Variants in PRKCH observed in about 807,000 individuals in gnomAD.
The protein encoded by PRKCH is protein kinase C eta type.
PRKCH carries 28 observed loss-of-function variants against 82.5 expected under a neutral mutation model. The ratio of observed to expected loss-of-function variants is 0.34; its 90% CI spans 0.25 to 0.47. The LOEUF is 0.47. Among genes scored for constraint, PRKCH ranks in the 20% least tolerant of loss-of-function variants. The probability of loss-of-function intolerance (pLI) is 1.00; values close to 1 mark genes in which losing one functional copy is unlikely to be tolerated. For missense variants in PRKCH, 705 were observed against 881.8 expected, an observed-to-expected ratio of 0.80 and a Z score of 2.54; for synonymous variants, 322 against 327.4, an observed-to-expected ratio of 0.98 and a Z score of 0.18.
intron 10 of PRKCH, among the ~76,000 whole-genome samples, chr14:61,514,522 C>T (rs2042793911): frequency 6.6e-6 from 1 of 152,032 alleles, no homozygotes; most frequent in Admixed American, 6.5e-5. Context: ...CAGGGGACCT[C>T]TGCAGGCAAT....
intron 1 of PRKCH, among the ~76,000 whole-genome samples, chr14:61,232,832 C>A (rs552389282): frequency 6.6e-6 from 1 of 152,280 alleles, no homozygotes; most frequent in East Asian, 1.9e-4. Flanking sequence ...TCTAATCAGG[C>A]CTTGGTGTTC....
intron 1 of PRKCH, among the ~76,000 whole-genome samples, chr14:61,381,291 G>A (rs753614724): frequency 1.3e-5 from 2 of 152,168 alleles, no homozygotes; most frequent in Non-Finnish European, 2.9e-5. Context: ...GGGTGGACCA[G>A]TAAAGGCTTT....
Position 61,529,056 on chromosome 14 carries a change from T to C in PRKCH, c.1434-19T>C, listed in dbSNP as rs774181354. The C allele has an allele frequency of 1.9e-6, 3 of 1,604,620 alleles. No homozygotes were observed. In the Admixed American group the frequency reaches 5.0e-5, roughly 27 times the overall value. On this transcript the variant is annotated intron_variant, in intron 10 of 13. Coordinates refer to ENST00000332981, the MANE Select transcript of PRKCH (RefSeq NM_006255.5). Reference sequence around the variant, plus strand: ...GGGGTCTGGCTGCCCTATCTCGTGCTGCTCTTTGTATCTTTCAGAGATCTG... The same window carrying C: ...GGGGTCTGGCTGCCCTATCTCGTGCCGCTCTTTGTATCTTTCAGAGATCTG...
At chr14:61,358,800 T>C (rs1194626501) in intron 1 of PRKCH, among the ~76,000 whole-genome samples, 1 of 152,132 alleles carries the variant, frequency 6.6e-6, no homozygotes, top group African/African-American at 2.4e-5. Context: ...TCTTGCTGTG[T>C]TCCCTGTGCA....
intron 9 of PRKCH, among the ~76,000 whole-genome samples, chr14:61,474,050 A>G (rs1187327700): frequency 6.6e-6 from 1 of 152,112 alleles, no homozygotes; most frequent in Non-Finnish European, 1.5e-5. Context: ...AGAAGAGAGG[A>G]GACTTGAAGA....
chr14:61,341,494 A>C (rs2140138599), intron 1 of PRKCH, among the ~76,000 whole-genome samples: 1 of 152,338 alleles, frequency 6.6e-6, no homozygotes, highest in East Asian at 1.9e-4. Context: ...TTCACTGAGC[A>C]CCTGCTGTGG....
At chr14:61,471,266 G>A (rs372302531) in intron 9 of PRKCH, among the ~76,000 whole-genome samples, 21 of 152,216 alleles carry the variant, frequency 1.4e-4, no homozygotes, top group African/African-American at 4.8e-4. Context: ...TTTTTAAAGA[G>A]GAGTGGCCAG....
intron 1 of PRKCH, among the ~76,000 whole-genome samples, chr14:61,313,131 G>C (rs760754551): frequency 1.3e-5 from 2 of 152,162 alleles, no homozygotes; most frequent in African/African-American, 2.4e-5. Flanking sequence ...GAGTATACCA[G>C]AGAATGCCAT....
At position 61,391,117 on chromosome 14, in the gene PRKCH, AT is replaced by A. The variant is rs2046673011; in HGVS notation, c.364-105del. ...TTAATGAAAGACTTAGATTTATTTGATTTGTGGCTGTGATTTACACATTAGG... is the reference window on the plus strand; with the variant it reads ...TTAATGAAAGACTTAGATTTATTTGATTGTGGCTGTGATTTACACATTAGG... On this transcript the variant is annotated intron_variant, in intron 1 of 13. Transcript: ENST00000332981. 1.2e-4 allele frequency: 101 copies of A among 853,838 alleles called. No individual in the cohort carries two copies. The South Asian group carries it at 1.9e-3, about 16-fold the overall frequency. The allele number at this position is 853,838 out of a possible 1,614,324, so 52.9% of individuals were successfully genotyped here. A position where few individuals can be genotyped will look rare whatever the true frequency, so the allele number is the denominator to read the frequency against.
chr14:61,547,619 CT>C, intron 12 of PRKCH, 123 bp from the exon 13 acceptor site: 1 of 1,235,120 alleles, frequency 8.1e-7, no homozygotes, highest in Non-Finnish European at 1.1e-6. Context: ...GAAAACCCAG[CT>C]AGTTAAGCAA....
intron 10 of PRKCH, among the ~76,000 whole-genome samples, chr14:61,507,940 G>T (rs940539906): frequency 6.6e-6 from 1 of 151,808 alleles, no homozygotes; most frequent in African/African-American, 2.4e-5. Flanking sequence ...TTATCACCAA[G>T]AAAAAAACAC....
At chr14:61,477,263 T>G (rs1885769481) in intron 9 of PRKCH, 1 of 152,256 alleles carries the variant, frequency 6.6e-6, no homozygotes, top group Admixed American at 6.5e-5. Context: ...AGAATAGATG[T>G]GGCTCCCAGC....
chr14:61,291,756 T>A (rs909432936), intron 1 of PRKCH, among the ~76,000 whole-genome samples: 1 of 152,236 alleles, frequency 6.6e-6, no homozygotes. Context: ...CAATGGACTG[T>A]TACTCTTGAC....
At position 61,280,844 on chromosome 14, in the gene PRKCH, C is replaced by G. The variant is rs530966122; in HGVS notation, c.-19+93176C>G. The G allele has an allele frequency of 1.3e-6, 2 of 1,564,948 alleles. No homozygotes were observed. The highest frequency in any genetic ancestry group is 2.7e-5 in the African/African-American group (2 of 73,778). On this transcript the variant is annotated intron_variant, in intron 1 of 3. Coordinates refer to the PRKCH transcript ENST00000555185. The surrounding 1 kb of genome is among the most constrained non-coding windows in gnomAD (Gnocchi z 5.0). The stretch of plus-strand genomic sequence containing the variant: ...AGGTACACTGGGCCCTGGAAGAGCT[C>G]GGGCAGCGAGAAGTACCAGGCGCAC...
At position 61,445,687 on chromosome 14, in the gene PRKCH, A is replaced by G; in HGVS notation, c.579-5A>G. 1 of 1,608,826 alleles carries G rather than the reference A, an allele frequency of 6.2e-7. No homozygotes were observed. Among genetic ancestry groups the G allele is most frequent in the South Asian group, 1.1e-5 (1 of 90,952 alleles). ...GACTGATGGTAGTTTTCTTCTCTTC[A>G]ACAGGGGAGTGTTTGGGAAACAGGG... On this transcript the variant is annotated splice_region_variant and splice_polypyrimidine_tract_variant and intron_variant, in intron 3 of 13. Transcript: ENST00000332981.
intron 1 of PRKCH, among the ~76,000 whole-genome samples, chr14:61,242,264 C>T (rs956810604): frequency 1.3e-5 from 2 of 152,148 alleles, no homozygotes; most frequent in African/African-American, 4.8e-5. Context: ...AGTGAATGGT[C>T]ATACCTTAAC....
intron 2 of PRKCH, among the ~76,000 whole-genome samples, chr14:61,430,570 G>C (rs1883336047): frequency 6.6e-6 from 1 of 152,152 alleles, no homozygotes; most frequent in Non-Finnish European, 1.5e-5. Flanking sequence ...CTTGCTGTTA[G>C]AGTAGTTAGG....
At chr14:61,210,131 T>TAC (rs2044560743) in intron 1 of PRKCH, among the ~76,000 whole-genome samples, 2 of 35,570 alleles carry the variant, frequency 5.6e-5, no homozygotes, top group South Asian at 2.1e-3. Context: ...TATATATATA[T>TAC]ATATATATAT....
intron 12 of PRKCH, chr14:61,544,615 C>T (rs2043230451): frequency 6.6e-6 from 1 of 152,218 alleles, no homozygotes; most frequent in South Asian, 2.1e-4. Flanking sequence ...GGTGCCCACA[C>T]ACCTCCAATG....
Sources: allele counts gnomAD v4.1 joint callset (sites outside exome capture counted in the v4.1 genomes callset), GRCh38; gene constraint gnomAD v4.1.1; non-coding constraint Gnocchi (gnomAD v3.1); transcripts MANE v1.5; gene names NCBI Gene and HGNC (gene_info 2026-07-23, HGNC 2026-07-21).